The following DCC variants were observed in gnomAD, a reference collection of about 807,000 sequenced individuals.
DCC encodes the protein netrin receptor DCC.
A neutral mutation model predicts 172.5 loss-of-function variants in DCC; 58 were observed. The observed-to-expected ratio is 0.34, with a 90% CI of 0.27 to 0.42. The LOEUF is 0.42. Among genes scored for constraint, DCC ranks in the 10% least tolerant of loss-of-function variants. The pLI, the probability that DCC is intolerant of heterozygous loss-of-function variation, is 1.00. For synonymous variants in DCC, 709 were observed against 644.5 expected (o/e 1.10, Z -1.52); for missense variants, 1,740 against 1,791.0 (o/e 0.97, Z 0.51).
At chr18:52,453,913 G>C (rs1430844306) in intron 1 of DCC, among the ~76,000 whole-genome samples, 2 of 152,160 alleles carry the variant, frequency 1.3e-5, no homozygotes, top group African/African-American at 2.4e-5. Context: ...GTTACATCTT[G>C]AAAGAGAATT....
chr18:53,281,800 G>A (rs1008187279), intron 12 of DCC, among the ~76,000 whole-genome samples: 9 of 129,680 alleles, frequency 6.9e-5, no homozygotes, highest in African/African-American at 2.7e-4. Context: ...GAGGCACTTT[G>A]CCAGTATACC....
At chr18:53,335,433 A>G (rs2057580889) in intron 14 of DCC, among the ~76,000 whole-genome samples, 1 of 152,198 alleles carries the variant, frequency 6.6e-6, no homozygotes, top group Admixed American at 6.5e-5. Flanking sequence ...TTGAAATGTC[A>G]CAGGGATTAA....
chr18:53,462,630 A>G (rs2045573088), intron 24 of DCC, among the ~76,000 whole-genome samples: 2 of 152,112 alleles, frequency 1.3e-5, no homozygotes, highest in South Asian at 4.2e-4. Flanking sequence ...TCATCCTGAA[A>G]CCGTACCCTG....
intron 5 of DCC, among the ~76,000 whole-genome samples, chr18:53,022,464 T>G (rs2143925263): frequency 6.6e-6 from 1 of 152,140 alleles, no homozygotes; most frequent in Middle Eastern, 3.4e-3. Context: ...AACATAGCAC[T>G]TAATAAGTCT....
chr18:52,792,816 T>C (rs576281616), intron 2 of DCC, among the ~76,000 whole-genome samples: 61 of 149,618 alleles, frequency 4.1e-4, no homozygotes, highest in Non-Finnish European at 7.5e-4. Context: ...GTTGATTCAA[T>C]TCCATTCTAT....
chr18:52,421,224 A>G (rs1182208948), intron 1 of DCC, among the ~76,000 whole-genome samples: 1 of 152,202 alleles, frequency 6.6e-6, no homozygotes, highest in Non-Finnish European at 1.5e-5. Flanking sequence ...AGAGACAAGA[A>G]GAGAAAGTGC....
intron 7 of DCC, among the ~76,000 whole-genome samples, chr18:53,117,119 A>C (rs543280970): frequency 2.2e-4 from 33 of 151,748 alleles, no homozygotes; most frequent in Non-Finnish European, 4.0e-4. Flanking sequence ...CTAAGCATTT[A>C]AAACATTCTC....
chr18:52,999,049 A>G (rs1160834930), intron 5 of DCC, among the ~76,000 whole-genome samples: 1 of 152,116 alleles, frequency 6.6e-6, no homozygotes, highest in African/African-American at 2.4e-5. Context: ...ATTTGGGGCT[A>G]TGGACACAGT....
chr18:53,091,856 T>A (rs62099180), intron 7 of DCC, among the ~76,000 whole-genome samples: 35,392 of 102,440 alleles, frequency 0.35, 5,065 homozygotes, highest in Non-Finnish European at 0.43. Context: ...TCTATCAATC[T>A]ATCTATATAT....
At chr18:52,999,472 C>T (rs2041532591) in intron 5 of DCC, among the ~76,000 whole-genome samples, 2 of 151,930 alleles carry the variant, frequency 1.3e-5, no homozygotes, top group African/African-American at 2.4e-5. Flanking sequence ...GGAGCATGGC[C>T]AGAGGAGGCT....
At chr18:52,741,732 G>A (rs964014519) in intron 1 of DCC, among the ~76,000 whole-genome samples, 6 of 152,052 alleles carry the variant, frequency 3.9e-5, no homozygotes, top group African/African-American at 1.2e-4. Context: ...TTGCTTGCTG[G>A]AACTCTCTCA....
chr18:52,970,458 GATTTCTAAGTATGT>G (rs893422213), intron 5 of DCC, among the ~76,000 whole-genome samples: 3 of 151,978 alleles, frequency 2.0e-5, no homozygotes, highest in African/African-American at 7.3e-5. Context: ...TATATAAAAT[GATTTCTAAGTATGT>G]ATATATATCA....
intron 1 of DCC, among the ~76,000 whole-genome samples, chr18:52,560,559 C>T (rs1405268614): frequency 2.0e-5 from 3 of 152,158 alleles, no homozygotes; most frequent in Non-Finnish European, 4.4e-5. Flanking sequence ...CCACTTCATC[C>T]TTCTGTAGAA....
intron 28 of DCC, among the ~76,000 whole-genome samples, chr18:53,529,781 C>A (rs1037867153): frequency 6.6e-6 from 1 of 152,122 alleles, no homozygotes; most frequent in Non-Finnish European, 1.5e-5. Flanking sequence ...GCCTAGCGAC[C>A]TGGTATTTGT....
chr18:53,169,584 T>C (rs1036557698), intron 8 of DCC, among the ~76,000 whole-genome samples: 5 of 152,092 alleles, frequency 3.3e-5, no homozygotes, highest in African/African-American at 1.2e-4. Flanking sequence ...TGGAGAAGAT[T>C]TGTCTGACAA....
intron 2 of DCC, among the ~76,000 whole-genome samples, chr18:52,819,899 T>G (rs1250967425): frequency 6.6e-6 from 1 of 151,946 alleles, no homozygotes; most frequent in African/African-American, 2.4e-5. Context: ...TTTTTTTATT[T>G]TTAGTAGAGA....
At chr18:52,510,557 C>G (rs575822746) in intron 1 of DCC, among the ~76,000 whole-genome samples, 1 of 152,330 alleles carries the variant, frequency 6.6e-6, no homozygotes, top group Admixed American at 6.5e-5. Context: ...CCCATCACCC[C>G]ACTCACCATG....
At chr18:53,394,913 G>A (rs573459090) in intron 17 of DCC, among the ~76,000 whole-genome samples, 10 of 151,864 alleles carry the variant, frequency 6.6e-5, no homozygotes, top group Admixed American at 1.3e-4. Flanking sequence ...AGGCCGAGGC[G>A]GGTGGATCGC....
At chr18:53,325,756 A>G (rs1407562832) in intron 14 of DCC, among the ~76,000 whole-genome samples, 1 of 152,180 alleles carries the variant, frequency 6.6e-6, no homozygotes, top group Non-Finnish European at 1.5e-5. Flanking sequence ...GTATGGTTGT[A>G]ATTATTACAA....
Sources: allele counts gnomAD v4.1 joint callset (sites outside exome capture counted in the v4.1 genomes callset), GRCh38; gene constraint gnomAD v4.1.1; transcripts MANE v1.5; gene names NCBI Gene and HGNC (gene_info 2026-07-23, HGNC 2026-07-21).